The following CSRNP3 variants were observed in gnomAD, a reference collection of about 807,000 sequenced individuals.
CSRNP3 encodes the protein cysteine and serine rich nuclear protein 3.
Under a neutral mutation model 48.0 loss-of-function variants are expected in CSRNP3, and 12 were observed. The ratio of observed to expected loss-of-function variants is 0.25; its 90% confidence interval spans 0.16 to 0.41. The LOEUF (loss-of-function observed/expected upper bound fraction) is 0.41. CSRNP3 is among the 10% of genes least tolerant of loss of function. The probability of loss-of-function intolerance (pLI) is 1.00; values close to 1 mark genes in which losing one functional copy is unlikely to be tolerated. For synonymous variants in CSRNP3, 263 were observed against 269.7 expected (o/e 0.98, Z 0.24); for missense variants, 580 against 724.4 (o/e 0.80, Z 2.29).
intron 6 of CSRNP3, 87 bp downstream of exon 6, chr2:165,676,695 T>TGGTA: frequency 2.4e-6 from 3 of 1,261,360 alleles, no homozygotes; most frequent in Non-Finnish European, 3.3e-6. Flanking sequence ...TAATGAAGCT[T>TGGTA]CCCACATGTA....
intron 4 of CSRNP3, among the ~76,000 whole-genome samples, chr2:165,633,229 G>A (rs903950951): frequency 6.6e-6 from 1 of 152,146 alleles, no homozygotes; most frequent in Non-Finnish European, 1.5e-5. Context: ...AAGGAAGGCA[G>A]CCAAGATTGT....
At position 165,679,324 on chromosome 2, in the gene CSRNP3, T is replaced by G. The variant is rs376459154; in HGVS notation, c.1329T>G (p.Ile443Met). Residue 443 changes from isoleucine (I) to methionine (M), a missense_variant, in exon 7 of 7, where the codon ATT (isoleucine) becomes ATG (methionine). This residue lies in a region of CSRNP3 where 369 missense variants were observed against 380.8 expected (regional missense o/e 0.97). Transcript: ENST00000651982. ...TGTATTACCAAATAGATAGCCACAT[T>G]CCAGGAACTCCAAATCAGATCTCTG... ...STLYYQIDSH[I>M]PGTPNQISEN... 6.8e-6 allele frequency: 11 copies of G among 1,613,682 alleles called. No individual in the cohort carries two copies. Among genetic ancestry groups the G allele is most frequent in the South Asian group, 1.1e-5 (1 of 91,062 alleles).
At chr2:165,481,039 T>G (rs1318334011) in intron 1 of CSRNP3, among the ~76,000 whole-genome samples, 4 of 151,842 alleles carry the variant, frequency 2.6e-5, no homozygotes, top group African/African-American at 7.3e-5. Context: ...TACTGTGATT[T>G]ATAATAACAA....
At chr2:165,531,078 T>C (rs898228104) in intron 3 of CSRNP3, among the ~76,000 whole-genome samples, 1 of 152,128 alleles carries the variant, frequency 6.6e-6, no homozygotes, top group African/African-American at 2.4e-5. Context: ...AAAGATAATA[T>C]TGGTACTCAG....
chr2:165,520,770 TTATATATATATATTATA>T (rs1414237222), intron 3 of CSRNP3, among the ~76,000 whole-genome samples: 47 of 107,320 alleles, frequency 4.4e-4, no homozygotes, highest in East Asian at 9.2e-4. Context: ...TAGAAATATA[TTATATATATATATTATA>T]TATATATATA....
intron 4 of CSRNP3, among the ~76,000 whole-genome samples, chr2:165,628,474 A>C (rs1476954784): frequency 6.6e-6 from 1 of 152,230 alleles, no homozygotes; most frequent in Non-Finnish European, 1.5e-5. Flanking sequence ...CTGTAATCCC[A>C]GCACTTTGGG....
intron 3 of CSRNP3, among the ~76,000 whole-genome samples, chr2:165,580,937 T>C (rs538696169): frequency 6.6e-6 from 1 of 152,310 alleles, no homozygotes; most frequent in Non-Finnish European, 1.5e-5. Flanking sequence ...TCTTTAGTCT[T>C]AATTGCAAGC....
chr2:165,671,552 T>G (rs958494447), intron 5 of CSRNP3, among the ~76,000 whole-genome samples: 1 of 152,186 alleles, frequency 6.6e-6, no homozygotes, highest in African/African-American at 2.4e-5. Context: ...CCACATCCCT[T>G]GGCTGGACAT....
chr2:165,595,182 T>G lies in CSRNP3; in HGVS notation c.117T>G (p.Ser39Arg). Reference protein sequence around the residue: ...SSSESADSGDSVNPSTSSHFT... With the variant: ...SSSESADSGDRVNPSTSSHFT... ...GTGAAAGTGCTGACAGTGGGGACAG[T>G]GTCAATCCATCCACTTCTAGTCATT... Residue 39 changes from serine (S) to arginine (R), a missense_variant, in exon 4 of 7, where the codon AGT (serine) becomes AGG (arginine). By Grantham distance (110) the Ser-to-Arg change is moderately radical. Transcript: ENST00000651982. The G allele has an allele frequency of 6.2e-7, 1 of 1,614,136 alleles. No individual in the cohort carries two copies. Among genetic ancestry groups the G allele is most frequent in the Non-Finnish European group, 8.5e-7 (1 of 1,179,990 alleles).
intron 3 of CSRNP3, among the ~76,000 whole-genome samples, chr2:165,582,357 G>C (rs1685562023): frequency 6.6e-6 from 1 of 152,222 alleles, no homozygotes; most frequent in African/African-American, 2.4e-5. Context: ...GACAGGTACT[G>C]TCTAGGAAAG....
At chr2:165,516,175 T>G (rs1558922152) in intron 2 of CSRNP3, among the ~76,000 whole-genome samples, 3 of 152,014 alleles carry the variant, frequency 2.0e-5, no homozygotes, top group Non-Finnish European at 4.4e-5. Flanking sequence ...GTATGCTTGC[T>G]TGCTGCTTGC....
At chr2:165,560,701 A>C (rs754031286) in intron 3 of CSRNP3, among the ~76,000 whole-genome samples, 10 of 152,348 alleles carry the variant, frequency 6.6e-5, no homozygotes, top group Admixed American at 1.3e-4. Flanking sequence ...GGTAGGAAGC[A>C]AAGCAGTTCA....
chr2:165,542,727 T>C (rs752041345), intron 3 of CSRNP3, among the ~76,000 whole-genome samples: 1 of 152,142 alleles, frequency 6.6e-6, no homozygotes, highest in Non-Finnish European at 1.5e-5. Context: ...TTCCTAAAAA[T>C]TAATTTTAAG....
At chr2:165,665,931 AAGAG>A (rs199981391) in intron 5 of CSRNP3, among the ~76,000 whole-genome samples, 10 of 138,018 alleles carry the variant, frequency 7.2e-5, no homozygotes, top group South Asian at 2.5e-4. Context: ...GGAAGAAAGA[AAGAG>A]AGAGGAAGGA....
intron 3 of CSRNP3, among the ~76,000 whole-genome samples, chr2:165,533,770 C>G (rs1295213005): frequency 2.6e-5 from 4 of 151,918 alleles, no homozygotes; most frequent in African/African-American, 7.2e-5. Flanking sequence ...ATGTTTAAGA[C>G]AAGTAGTTTA....
chr2:165,549,196 C>G (rs1489960582), intron 3 of CSRNP3, among the ~76,000 whole-genome samples: 2 of 151,906 alleles, frequency 1.3e-5, no homozygotes, highest in African/African-American at 4.8e-5. Context: ...TATTTATAAT[C>G]TGTGATAATA....
intron 3 of CSRNP3, among the ~76,000 whole-genome samples, chr2:165,551,787 T>TA (rs201422217): frequency 2.2e-4 from 33 of 148,644 alleles, no homozygotes; most frequent in Middle Eastern, 3.5e-3. Flanking sequence ...TACGAATTAT[T>TA]AAAAAAAAAA....
At chr2:165,657,660 G>A (rs1030073751) in intron 4 of CSRNP3, 101 bp from the exon 5 acceptor site, 2 of 1,424,600 alleles carry the variant, frequency 1.4e-6, no homozygotes, top group Non-Finnish European at 1.9e-6. Context: ...GCCAACAAGG[G>A]TTGGCCACAG....
chr2:165,683,342 G>A lies in CSRNP3; in HGVS notation c.*3589G>A, dbSNP rs1687577424. ...AATCTTCACAATCATATATGGCCCTGCAATACTCCCTGAATTCCTTCCCTC... is the reference window on the plus strand; with the variant it reads ...AATCTTCACAATCATATATGGCCCTACAATACTCCCTGAATTCCTTCCCTC... On this transcript the variant is annotated 3_prime_UTR_variant, in exon 7 of 7. Transcript: ENST00000651982. 1 of 151,946 alleles carries A rather than the reference G, an allele frequency of 6.6e-6. No individual in the cohort carries two copies. Among genetic ancestry groups the A allele is most frequent in the Admixed American group, 6.6e-5 (1 of 15,226 alleles). The allele number at this position is 151,946 out of a possible 1,614,324, so 9.4% of individuals were successfully genotyped here. A position where few individuals can be genotyped will look rare whatever the true frequency, so the allele number is the denominator to read the frequency against.
Sources: gnomAD v4.1 joint callset for allele counts (sites outside exome capture counted in the v4.1 genomes callset) on GRCh38, gnomAD v4.1.1 for gene constraint, gnomAD v4.1.1 regional missense constraint, MANE v1.5 for transcripts, NCBI Gene and HGNC (gene_info 2026-07-23, HGNC 2026-07-21) for gene names.